MYO3B: variants seen among roughly 807,000 people sequenced by gnomAD.
The protein encoded by MYO3B is myosin IIIB, also known as myosin-IIIb.
MYO3B carries 156 observed loss-of-function variants against 174.6 expected under a neutral mutation model. The observed-to-expected ratio is 0.89, with a 90% CI of 0.78 to 1.02. The LOEUF (loss-of-function observed/expected upper bound fraction) is 1.02, where lower values mean the gene tolerates loss of function less well. Among genes scored for constraint, MYO3B ranks in the 50% least tolerant of loss-of-function variants. MYO3B has a pLI of 0.00. For synonymous variants in MYO3B, 563 were observed against 569.1 expected, an observed-to-expected ratio of 0.99 and a Z score of 0.15; for missense variants, 1,632 against 1,639.4, an observed-to-expected ratio of 1.00 and a Z score of 0.08.
At chr2:170,491,584 C>T (rs7576047) in intron 25 of MYO3B, among the ~76,000 whole-genome samples, 13,381 of 152,238 alleles carry the variant, frequency 0.088, 1,440 homozygotes, top group African/African-American at 0.26. Flanking sequence ...CGCCACCATG[C>T]CCGGCTAATT....
chr2:170,463,367 G>A lies in MYO3B; in HGVS notation c.2731-1G>A. ...CCACTTGCCTCCACCTATGCTTCCA[G>A]GTGGACACTCTGGAGGTGATACGGC... On this transcript the variant is annotated splice_acceptor_variant, in intron 23 of 34. Coordinates refer to ENST00000408978, the MANE Select transcript of MYO3B (RefSeq NM_138995.5). LOFTEE classifies it high-confidence loss of function. 6.2e-7 allele frequency: 1 copy of A among 1,613,534 alleles called. No individual in the cohort carries two copies. Among genetic ancestry groups the A allele is most frequent in the Non-Finnish European group, 8.5e-7 (1 of 1,179,988 alleles).
At chr2:170,412,929 G>T (rs1266204254) in intron 22 of MYO3B, among the ~76,000 whole-genome samples, 1 of 152,110 alleles carries the variant, frequency 6.6e-6, no homozygotes, top group African/African-American at 2.4e-5. Context: ...ATTTAATTTG[G>T]GAAGTGTATC....
At chr2:170,501,073 A>T (rs983209882) in intron 27 of MYO3B, among the ~76,000 whole-genome samples, 2 of 89,562 alleles carry the variant, frequency 2.2e-5, no homozygotes, top group African/African-American at 3.5e-5. Context: ...GAGAGTTGTG[A>T]TGCTGAGACG....
chr2:170,467,815 C>CAAAAAA (rs33945733), intron 25 of MYO3B, among the ~76,000 whole-genome samples: 2 of 110,396 alleles, frequency 1.8e-5, no homozygotes, highest in Non-Finnish European at 1.8e-5. Flanking sequence ...AAAGATAAGG[C>CAAAAAA]AAAAAAAAAA....
At chr2:170,407,066 A>C (rs556258384) in intron 21 of MYO3B, among the ~76,000 whole-genome samples, 2 of 152,334 alleles carry the variant, frequency 1.3e-5, no homozygotes, top group African/African-American at 4.8e-5. Context: ...AAATGGAGAT[A>C]ATAATAGTGT....
At chr2:170,415,819 A>G (rs1374676495) in intron 22 of MYO3B, among the ~76,000 whole-genome samples, 2 of 152,136 alleles carry the variant, frequency 1.3e-5, no homozygotes, top group Non-Finnish European at 2.9e-5. Context: ...TCCTGTAGGT[A>G]TTTCTCATGT....
chr2:170,608,976 TAAAC>T (rs1365061112), intron 32 of MYO3B, among the ~76,000 whole-genome samples: 5 of 152,186 alleles, frequency 3.3e-5, no homozygotes, highest in Non-Finnish European at 7.4e-5. Context: ...GGGAAAGAAA[TAAAC>T]AAAGAACAAG....
chr2:170,460,687 G>A (rs1242695288), intron 23 of MYO3B, among the ~76,000 whole-genome samples: 1 of 152,188 alleles, frequency 6.6e-6, no homozygotes, highest in African/African-American at 2.4e-5. Flanking sequence ...CACAGATGCT[G>A]TGCAGTTAGA....
chr2:170,429,447 A>G (rs558848937), intron 22 of MYO3B, among the ~76,000 whole-genome samples: 1 of 152,300 alleles, frequency 6.6e-6, no homozygotes, highest in East Asian at 1.9e-4. Context: ...GTGACTTATG[A>G]TACCTTAGCA....
intron 7 of MYO3B, among the ~76,000 whole-genome samples, chr2:170,274,496 G>T (rs903818044): frequency 2.0e-5 from 3 of 152,136 alleles, no homozygotes; most frequent in African/African-American, 7.2e-5. Flanking sequence ...CTTTTAGTAG[G>T]CTCGGTAAAT....
chr2:170,607,496 A>T (rs6717604), intron 32 of MYO3B, among the ~76,000 whole-genome samples: 1,929 of 152,330 alleles, frequency 0.013, 35 homozygotes, highest in African/African-American at 0.042. Context: ...ACAAAGACAC[A>T]TACCCTTTTG....
chr2:170,543,587 G>GA (rs1488010443), intron 31 of MYO3B, among the ~76,000 whole-genome samples: 1 of 152,286 alleles, frequency 6.6e-6, no homozygotes, highest in Non-Finnish European at 1.5e-5. Context: ...AAGTATAGGT[G>GA]AAAATCAGCA....
Position 170,356,803 on chromosome 2 carries a change from G to GGA in MYO3B, c.816-12418_816-12417insAG, listed in dbSNP as rs2094125134. On this transcript the variant is annotated intron_variant, in intron 8 of 34. Transcript: ENST00000408978. ...TCTTTAAAAAAATGTTTTAAGACAA[G>GGA]GTCTCACCCTGTGGCCCAGGCTGGA... Among the ~76,000 whole-genome samples, 31 of 151,866 alleles carry GGA rather than the reference G, an allele frequency of 2.0e-4. No homozygotes were observed. In the South Asian group the frequency reaches 6.2e-3, roughly 30 times the overall value.
intron 25 of MYO3B, among the ~76,000 whole-genome samples, chr2:170,478,530 C>G (rs1433902364): frequency 2.2e-5 from 2 of 91,634 alleles, no homozygotes; most frequent in Non-Finnish European, 5.0e-5. Flanking sequence ...TGTACACACA[C>G]ACACACACAC....
chr2:170,304,919 G>C (rs2093690928), intron 7 of MYO3B, among the ~76,000 whole-genome samples: 1 of 149,636 alleles, frequency 6.7e-6, no homozygotes, highest in Admixed American at 6.6e-5. Context: ...TTTTCTGTAA[G>C]AATCTGACAT....
chr2:170,461,235 G>A (rs1462335366), intron 23 of MYO3B, among the ~76,000 whole-genome samples: 1 of 152,144 alleles, frequency 6.6e-6, no homozygotes, highest in Admixed American at 6.5e-5. Flanking sequence ...AGCACTTTGG[G>A]AGGCCGAGGC....
intron 3 of MYO3B, among the ~76,000 whole-genome samples, chr2:170,205,793 T>C (rs975963089): frequency 6.6e-6 from 1 of 152,074 alleles, no homozygotes; most frequent in Admixed American, 6.6e-5. Flanking sequence ...GACCAAATCA[T>C]TTTTCTAGAA....
At chr2:170,623,439 ATTTG>A (rs1575272637) in intron 32 of MYO3B, among the ~76,000 whole-genome samples, 1 of 152,032 alleles carries the variant, frequency 6.6e-6, no homozygotes, top group Admixed American at 6.6e-5. Flanking sequence ...TTTCTTGTAA[ATTTG>A]TTTGAGTTCT....
intron 1 of MYO3B, 33 bp from the exon 2 acceptor site, chr2:170,199,175 C>A (rs1023373880): frequency 2.7e-6 from 4 of 1,482,332 alleles, no homozygotes; most frequent in Non-Finnish European, 3.7e-6. Context: ...GTTCTGTGAT[C>A]TGTTGCACAT....
Sources: allele counts gnomAD v4.1 joint callset (sites outside exome capture counted in the v4.1 genomes callset), GRCh38; gene constraint gnomAD v4.1.1; transcripts MANE v1.5; gene names NCBI Gene and HGNC (gene_info 2026-07-23, HGNC 2026-07-21).